The following CHCHD3 variants were observed in gnomAD, a reference collection of about 807,000 sequenced individuals.
CHCHD3 encodes the protein MICOS complex subunit MIC19.
A neutral mutation model predicts 38.2 loss-of-function variants in CHCHD3; 20 were observed. The ratio of observed to expected loss-of-function variants is 0.52; its 90% CI spans 0.37 to 0.76. The LOEUF is 0.76. Among genes scored for constraint, CHCHD3 ranks in the 30% least tolerant of loss-of-function variants. The pLI is 0.00. For missense variants in CHCHD3, 245 were observed against 279.2 expected, an observed-to-expected ratio of 0.88 and a Z score of 0.87; for synonymous variants, 82 against 100.0, an observed-to-expected ratio of 0.82 and a Z score of 1.07.
intron 2 of CHCHD3, among the ~76,000 whole-genome samples, chr7:133,045,370 T>C (rs1353068223): frequency 6.6e-6 from 1 of 152,174 alleles, no homozygotes; most frequent in Non-Finnish European, 1.5e-5. Flanking sequence ...TAACATTCTA[T>C]TTCAGGTCCT....
chr7:132,925,013 T>G (rs897601926), intron 4 of CHCHD3, among the ~76,000 whole-genome samples: 2 of 152,162 alleles, frequency 1.3e-5, no homozygotes, highest in Non-Finnish European at 2.9e-5. Context: ...CAAAATGACA[T>G]GCTCAAATGA....
At chr7:132,881,482 T>C (rs1396219215) in intron 5 of CHCHD3, among the ~76,000 whole-genome samples, 2 of 152,176 alleles carry the variant, frequency 1.3e-5, no homozygotes, top group African/African-American at 2.4e-5. Context: ...GCTGTGTTAA[T>C]CTAGTTGATG....
intron 4 of CHCHD3, among the ~76,000 whole-genome samples, chr7:132,967,671 T>TAAAAC (rs1349835038): frequency 6.8e-6 from 1 of 146,568 alleles, no homozygotes; most frequent in African/African-American, 2.6e-5. Context: ...ATAAATAAAA[T>TAAAAC]AAAACAAAAT....
chr7:132,881,287 A>G (rs1220852970), intron 5 of CHCHD3, among the ~76,000 whole-genome samples: 4 of 152,168 alleles, frequency 2.6e-5, no homozygotes, highest in Non-Finnish European at 5.9e-5. Context: ...CCATTCACAC[A>G]TGGGAATTAT....
Position 133,074,533 on chromosome 7 carries a change from G to GA in CHCHD3, c.82-4305dup, listed in dbSNP as rs545995610. On this transcript the variant is annotated intron_variant, in intron 1 of 7. Coordinates refer to ENST00000262570, the MANE Select transcript of CHCHD3 (RefSeq NM_017812.4). ...TAAGACTGACTCAATTTATACTTGAGAAAAAAAAGAGACCCTGAGTAATAT... is the reference window on the plus strand; with the variant it reads ...TAAGACTGACTCAATTTATACTTGAGAAAAAAAAAGAGACCCTGAGTAATAT... Among the ~76,000 whole-genome samples, 25 of 151,534 alleles carry GA rather than the reference G, an allele frequency of 1.6e-4. 1 individual carries two copies. The South Asian group carries it at 5.0e-3, about 30-fold the overall frequency.
chr7:132,950,670 GT>G (rs1382410023), intron 4 of CHCHD3, among the ~76,000 whole-genome samples: 5 of 151,818 alleles, frequency 3.3e-5, no homozygotes, highest in Admixed American at 2.0e-4. Flanking sequence ...TTTAAAGAAG[GT>G]TTTTTTTCAT....
intron 2 of CHCHD3, among the ~76,000 whole-genome samples, chr7:133,036,344 T>C (rs987057853): frequency 3.0e-4 from 46 of 152,322 alleles, no homozygotes; most frequent in African/African-American, 1.1e-3. Flanking sequence ...ATTATACATA[T>C]ATAATATTTA....
At chr7:132,952,444 G>C (rs1003760119) in intron 4 of CHCHD3, among the ~76,000 whole-genome samples, 1 of 152,086 alleles carries the variant, frequency 6.6e-6, no homozygotes, top group South Asian at 2.1e-4. Context: ...CACAAAATTC[G>C]CAACTTTAAA....
At chr7:132,868,103 T>C (rs893091637) in intron 5 of CHCHD3, among the ~76,000 whole-genome samples, 3 of 152,174 alleles carry the variant, frequency 2.0e-5, no homozygotes, top group Non-Finnish European at 2.9e-5. Flanking sequence ...ACTTCAGTCA[T>C]GAACACAATA....
chr7:133,064,602 A>G (rs1814616460), intron 2 of CHCHD3, among the ~76,000 whole-genome samples: 1 of 152,232 alleles, frequency 6.6e-6, no homozygotes, highest in East Asian at 1.9e-4. Flanking sequence ...CTGTTTCCCA[A>G]AATTGGCTGT....
At chr7:133,039,963 A>G (rs1356517644) in intron 2 of CHCHD3, among the ~76,000 whole-genome samples, 1 of 152,220 alleles carries the variant, frequency 6.6e-6, no homozygotes, top group African/African-American at 2.4e-5. Context: ...TTAGGGAATC[A>G]TCAAATTATC....
At chr7:132,906,134 A>G (rs1308660342) in intron 4 of CHCHD3, among the ~76,000 whole-genome samples, 1 of 152,218 alleles carries the variant, frequency 6.6e-6, no homozygotes, top group Non-Finnish European at 1.5e-5. Flanking sequence ...TATACTTCAA[A>G]ACATCACATT....
chr7:132,927,761 G>A (rs1810411125), intron 4 of CHCHD3, among the ~76,000 whole-genome samples: 2 of 152,114 alleles, frequency 1.3e-5, no homozygotes, highest in African/African-American at 4.8e-5. Flanking sequence ...CACAATCTTA[G>A]GACTCATAAG....
At chr7:132,841,431 A>T (rs4731906) in intron 5 of CHCHD3, among the ~76,000 whole-genome samples, 40 of 125,224 alleles carry the variant, frequency 3.2e-4, no homozygotes, top group African/African-American at 1.0e-3. Context: ...ACAACAACAA[A>T]AAAAAAAAAA....
intron 3 of CHCHD3, among the ~76,000 whole-genome samples, chr7:132,990,932 T>C (rs985505627): frequency 8.3e-6 from 1 of 120,308 alleles, no homozygotes; most frequent in African/African-American, 3.7e-5. Flanking sequence ...GCCTTTCTGC[T>C]CCCCTACACA....
intron 4 of CHCHD3, among the ~76,000 whole-genome samples, chr7:132,926,836 ATTG>A (rs1358477030): frequency 2.0e-5 from 3 of 151,754 alleles, no homozygotes; most frequent in Admixed American, 2.0e-4. Context: ...TTGTTGTTGT[ATTG>A]TTGTTTTTTT....
chr7:132,956,369 A>G (rs1811167125), intron 4 of CHCHD3, among the ~76,000 whole-genome samples: 1 of 152,238 alleles, frequency 6.6e-6, no homozygotes, highest in South Asian at 2.1e-4. Flanking sequence ...AATGCCTAGC[A>G]TATAGTAGGC....
At chr7:132,791,162 G>A (rs1806450484) in intron 7 of CHCHD3, among the ~76,000 whole-genome samples, 1 of 152,138 alleles carries the variant, frequency 6.6e-6, no homozygotes, top group Non-Finnish European at 1.5e-5. Flanking sequence ...GGGAAATTTG[G>A]TCAAAGTTCA....
At chr7:132,944,161 G>C (rs2117275549) in intron 4 of CHCHD3, among the ~76,000 whole-genome samples, 1 of 152,144 alleles carries the variant, frequency 6.6e-6, no homozygotes, top group East Asian at 1.9e-4. Flanking sequence ...AGCAATCAAT[G>C]TACAATTCTC....
Sources: allele counts gnomAD v4.1 joint callset (sites outside exome capture counted in the v4.1 genomes callset), GRCh38; gene constraint gnomAD v4.1.1; transcripts MANE v1.5; gene names NCBI Gene and HGNC (gene_info 2026-07-23, HGNC 2026-07-21).